ZNF804B: variants seen among roughly 807,000 people sequenced by gnomAD.
ZNF804B encodes zinc finger 804B.
A neutral mutation model predicts 101.4 loss-of-function variants in ZNF804B; 80 were observed. That is an observed-to-expected ratio of 0.79 (90% CI 0.66 to 0.95). The LOEUF is 0.95. Among genes scored for constraint, ZNF804B ranks in the 40% least tolerant of loss-of-function variants. The pLI is 0.00. For missense variants in ZNF804B, 1,673 were observed against 1,561.9 expected, an observed-to-expected ratio of 1.07 and a Z score of -1.20; for synonymous variants, 622 against 558.8, an observed-to-expected ratio of 1.11 and a Z score of -1.59.
At chr7:88,815,665 T>C (rs1404521298) in intron 1 of ZNF804B, among the ~76,000 whole-genome samples, 4 of 152,172 alleles carry the variant, frequency 2.6e-5, no homozygotes, top group African/African-American at 9.6e-5. Context: ...TCTGACACTT[T>C]CACTGTGTAG....
chr7:89,223,434 A>G (rs1386512478), intron 2 of ZNF804B, among the ~76,000 whole-genome samples: 1 of 151,896 alleles, frequency 6.6e-6, no homozygotes, highest in Non-Finnish European at 1.5e-5. Flanking sequence ...TGTCAGCATC[A>G]TGTGTTTATT....
At chr7:89,094,436 C>T (rs908748757) in intron 1 of ZNF804B, among the ~76,000 whole-genome samples, 2 of 152,094 alleles carry the variant, frequency 1.3e-5, no homozygotes, top group South Asian at 4.1e-4. Context: ...ACCTTTCTTA[C>T]GCCTACTAAA....
chr7:88,759,845 C>T lies in ZNF804B; in HGVS notation c.-132C>T, dbSNP rs77250157. ...GCGGAGCAGGGACGCGCTGCCACCG[C>T]CTCCCCCTGCGTCCTGCTGGCCGCG... On this transcript the variant is annotated 5_prime_UTR_variant, in exon 1 of 4. Transcript: ENST00000333190. The T allele has an allele frequency of 0.088, 61,495 of 696,318 alleles. 3,297 individuals are homozygous for T. The highest frequency in any genetic ancestry group is 0.17 in the South Asian group (10,187 of 59,718). 43.1% of individuals were successfully genotyped at this position (696,318 alleles called of 1,614,324 possible).
At chr7:89,105,928 A>G (rs28391328) in intron 1 of ZNF804B, among the ~76,000 whole-genome samples, 2,203 of 152,238 alleles carry the variant, frequency 0.014, 64 homozygotes, top group African/African-American at 0.05. Flanking sequence ...TTGCTGTTTC[A>G]TTACAAAGGA....
intron 1 of ZNF804B, among the ~76,000 whole-genome samples, chr7:89,139,723 T>C (rs967563234): frequency 7.2e-5 from 11 of 152,112 alleles, no homozygotes; most frequent in Admixed American, 7.2e-4. Context: ...GCTCCGCTTG[T>C]AGTTCTAATT....
At chr7:88,872,016 T>A (rs75129826) in intron 1 of ZNF804B, among the ~76,000 whole-genome samples, 1,531 of 152,184 alleles carry the variant, frequency 0.01, 19 homozygotes, top group Middle Eastern at 0.024. Flanking sequence ...GTAGGAAATT[T>A]TATGATTTTC....
intron 1 of ZNF804B, among the ~76,000 whole-genome samples, chr7:88,797,312 C>A (rs920791396): frequency 6.6e-6 from 1 of 152,102 alleles, no homozygotes; most frequent in Admixed American, 6.6e-5. Flanking sequence ...TAATAAGGGT[C>A]TCTACCCACA....
At chr7:89,135,728 A>G in intron 1 of ZNF804B, among the ~76,000 whole-genome samples, 1 of 152,028 alleles carries the variant, frequency 6.6e-6, no homozygotes, top group African/African-American at 2.4e-5. Flanking sequence ...TGGATTTTCA[A>G]TATATTTTTG....
intron 1 of ZNF804B, among the ~76,000 whole-genome samples, chr7:88,952,483 T>G (rs370705872): frequency 1.0e-3 from 155 of 151,974 alleles, no homozygotes; most frequent in African/African-American, 3.5e-3. Context: ...TGTGTTATTT[T>G]TTGTCTTATC....
At chr7:89,097,538 C>G (rs1018919) in intron 1 of ZNF804B, among the ~76,000 whole-genome samples, 125,747 of 152,132 alleles carry the variant, frequency 0.83, 52,532 homozygotes, top group African/African-American at 0.96. Flanking sequence ...GAGACTATTT[C>G]TTAAATAGAA....
chr7:88,980,935 A>G (rs956126769), intron 1 of ZNF804B, among the ~76,000 whole-genome samples: 1 of 152,038 alleles, frequency 6.6e-6, no homozygotes, highest in African/African-American at 2.4e-5. Flanking sequence ...GCAGGTCTGT[A>G]AATGCCATCT....
chr7:89,028,883 G>A (rs1181572488), intron 1 of ZNF804B, among the ~76,000 whole-genome samples: 3 of 151,936 alleles, frequency 2.0e-5, no homozygotes, highest in Admixed American at 2.0e-4. Flanking sequence ...AATTAATCAT[G>A]ATAATTATTA....
At chr7:88,762,924 T>G (rs779690951) in intron 1 of ZNF804B, among the ~76,000 whole-genome samples, 1 of 152,290 alleles carries the variant, frequency 6.6e-6, no homozygotes, top group South Asian at 2.1e-4. Context: ...TTCTGTTTTA[T>G]TAGAACTGTT....
chr7:88,855,831 A>G (rs1583978805), intron 1 of ZNF804B, among the ~76,000 whole-genome samples: 1 of 152,208 alleles, frequency 6.6e-6, no homozygotes, highest in South Asian at 2.1e-4. Context: ...ATGGCTAGCC[A>G]GTTTTCCCAG....
chr7:89,271,211 A>G (rs552528961), intron 2 of ZNF804B, among the ~76,000 whole-genome samples: 10 of 152,180 alleles, frequency 6.6e-5, no homozygotes, highest in East Asian at 1.9e-4. Flanking sequence ...GTTTGTCATA[A>G]ATAGCTCTTA....
chr7:89,311,099 G>A (rs1471067767), intron 2 of ZNF804B, among the ~76,000 whole-genome samples: 3 of 152,080 alleles, frequency 2.0e-5, no homozygotes, highest in East Asian at 3.9e-4. Flanking sequence ...TTGTCCACAC[G>A]TGACTTGAAG....
At chr7:88,801,472 A>G (rs144043480) in intron 1 of ZNF804B, among the ~76,000 whole-genome samples, 5 of 152,084 alleles carry the variant, frequency 3.3e-5, no homozygotes, top group African/African-American at 1.2e-4. Flanking sequence ...GGAGATGGGA[A>G]ATACTAGAGG....
intron 1 of ZNF804B, among the ~76,000 whole-genome samples, chr7:89,073,569 ATTC>A (rs1789573584): frequency 6.6e-6 from 1 of 152,064 alleles, no homozygotes; most frequent in South Asian, 2.1e-4. Context: ...ATGTTGATAG[ATTC>A]TTATTTTTTA....
intron 2 of ZNF804B, among the ~76,000 whole-genome samples, chr7:89,281,019 C>T (rs995241292): frequency 6.6e-6 from 1 of 152,116 alleles, no homozygotes; most frequent in African/African-American, 2.4e-5. Flanking sequence ...CCATCTGCAC[C>T]ATTCTTTCAC....
Sources: allele counts gnomAD v4.1 joint callset (sites outside exome capture counted in the v4.1 genomes callset), GRCh38; gene constraint gnomAD v4.1.1; transcripts MANE v1.5; gene names NCBI Gene and HGNC (gene_info 2026-07-23, HGNC 2026-07-21).